The following CCDC39 variants were observed in gnomAD, a reference collection of about 807,000 sequenced individuals.
CCDC39 encodes coiled-coil domain 39 molecular ruler complex subunit, also known as coiled-coil domain-containing protein 39.
A neutral mutation model predicts 121.0 loss-of-function variants in CCDC39; 113 were observed. That is an observed-to-expected ratio of 0.93 (90% CI 0.80 to 1.09). CCDC39 has a LOEUF of 1.09. CCDC39 is among the 50% of genes least tolerant of loss of function. The pLI is 0.00. For synonymous variants in CCDC39, 349 were observed against 352.2 expected (o/e 0.99, Z 0.10); for missense variants, 1,063 against 1,074.7 (o/e 0.99, Z 0.15).
At chr3:180,641,916 T>A (rs961004127) in intron 13 of CCDC39, 77 bp downstream of exon 13, 1 of 998,902 alleles carries the variant, frequency 1.0e-6, no homozygotes, top group South Asian at 1.9e-5. Context: ...ACATCCGGGA[T>A]GTTAGAGGGG....
chr3:180,659,811 ATTAAT>A, intron 4 of CCDC39, 42 bp from the exon 5 acceptor site: 1 of 1,306,944 alleles, frequency 7.7e-7, no homozygotes, highest in Non-Finnish European at 1.1e-6. Context: ...TTCTCATTCT[ATTAAT>A]TTAAATGTTA....
intron 6 of CCDC39, among the ~76,000 whole-genome samples, chr3:180,655,458 C>A (rs1576947580): frequency 6.7e-6 from 1 of 149,846 alleles, no homozygotes; most frequent in African/African-American, 2.5e-5. Flanking sequence ...GACAAAGTAC[C>A]ATGGGAACAA....
chr3:180,649,441 C>A (rs1486357512), intron 9 of CCDC39, among the ~76,000 whole-genome samples: 1 of 152,150 alleles, frequency 6.6e-6, no homozygotes, highest in East Asian at 1.9e-4. Flanking sequence ...AACCAACAAA[C>A]CTGAATATGA....
chr3:180,654,743 C>G lies in CCDC39; in HGVS notation c.930+19G>C. 1 of 1,569,410 alleles carries G rather than the reference C, an allele frequency of 6.4e-7. No individual in the cohort carries two copies. Among genetic ancestry groups the G allele is most frequent in the Non-Finnish European group, 8.7e-7 (1 of 1,150,368 alleles). ...ATTTGTCGTGAACATACAAGCCAGT[C>G]TTTTTTGAGTTGACATACCTCACCC... On this transcript the variant is annotated intron_variant, in intron 7 of 19. Transcript: ENST00000476379.
At chr3:180,676,129 C>T (rs1187490399) in intron 1 of CCDC39, among the ~76,000 whole-genome samples, 1 of 152,194 alleles carries the variant, frequency 6.6e-6, no homozygotes, top group East Asian at 1.9e-4. Flanking sequence ...GCAACAAAAG[C>T]CAAAATTGAC....
At chr3:180,618,995 T>TG (rs1717349778) in intron 16 of CCDC39, among the ~76,000 whole-genome samples, 1 of 152,194 alleles carries the variant, frequency 6.6e-6, no homozygotes, top group Admixed American at 6.6e-5. Context: ...AAAGGATTAA[T>TG]GGGTAGATCA....
At chr3:180,623,051 G>C (rs185024354) in intron 14 of CCDC39, among the ~76,000 whole-genome samples, 1 of 149,314 alleles carries the variant, frequency 6.7e-6, no homozygotes, top group Admixed American at 6.7e-5. Context: ...ATCTTACCCT[G>C]GGCTTTTTTG....
intron 14 of CCDC39, among the ~76,000 whole-genome samples, chr3:180,629,070 C>G (rs1717633749): frequency 6.6e-6 from 1 of 152,058 alleles, no homozygotes; most frequent in African/African-American, 2.4e-5. Flanking sequence ...AGTGAAAATG[C>G]CAAGGTACTA....
intron 10 of CCDC39, 73 bp downstream of exon 10, chr3:180,648,092 A>G: frequency 8.2e-7 from 1 of 1,223,874 alleles, no homozygotes; most frequent in Non-Finnish European, 1.2e-6. Context: ...TTGTTTTCTT[A>G]GAACATGGCG....
At chr3:180,644,696 T>G (rs1489313432) in intron 11 of CCDC39, among the ~76,000 whole-genome samples, 1 of 152,236 alleles carries the variant, frequency 6.6e-6, no homozygotes, top group African/African-American at 2.4e-5. Flanking sequence ...ACATTACTTA[T>G]GTAATAAAAT....
In CCDC39 at chr3:180,625,178, C is replaced by T. The variant is rs115645164; in HGVS notation, c.1999-5208G>A. On this transcript the variant is annotated intron_variant, in intron 14 of 19. Coordinates refer to ENST00000476379, the MANE Select transcript of CCDC39 (RefSeq NM_181426.2). Reference sequence around the variant, plus strand: ...AACTGATAATTTGTAAGTTCAGTCACTTTACTAGTTCCAAACATCTTGAAG... The same window carrying T: ...AACTGATAATTTGTAAGTTCAGTCATTTTACTAGTTCCAAACATCTTGAAG... Among the ~76,000 whole-genome samples the T allele has an allele frequency of 2.1e-3, 315 of 151,966 alleles. 1 individual carries two copies. Among genetic ancestry groups the T allele is most frequent in the Non-Finnish European group, 3.5e-3 (240 of 67,946 alleles).
At chr3:180,646,964 T>TTA in intron 11 of CCDC39, 115 bp downstream of exon 11, 1 of 834,072 alleles carries the variant, frequency 1.2e-6, no homozygotes, top group Non-Finnish European at 1.9e-6. Context: ...CATACATTTG[T>TTA]TATATATGTG....
intron 11 of CCDC39, 45 bp from the exon 12 acceptor site, chr3:180,644,302 G>A: frequency 8.3e-7 from 1 of 1,199,130 alleles, no homozygotes; most frequent in South Asian, 1.5e-5. Context: ...TTTAAATATT[G>A]ACAAAAATAT....
chr3:180,631,201 A>G (rs922662071), intron 14 of CCDC39, among the ~76,000 whole-genome samples: 7 of 152,204 alleles, frequency 4.6e-5, no homozygotes, highest in East Asian at 3.9e-4. Flanking sequence ...GCAAGTTCAC[A>G]GTAAGTTTTG....
Position 180,614,607 on chromosome 3 carries a change from A to T in CCDC39, c.*314T>A. 4.2e-6 allele frequency: 1 copy of T among 240,772 alleles called. No individual in the cohort carries two copies. The highest frequency in any genetic ancestry group is 8.0e-6 in the Non-Finnish European group (1 of 125,474). The allele number at this position is 240,772 out of a possible 1,614,324, so 14.9% of individuals were successfully genotyped here. A position where few individuals can be genotyped will look rare whatever the true frequency, so the allele number is the denominator to read the frequency against. The stretch of plus-strand genomic sequence containing the variant: ...CTTCTTGAAAGATTGTTACATTAGA[A>T]GTGAGTGTAGTTTCGTGAAATAATG... On this transcript the variant is annotated 3_prime_UTR_variant, in exon 20 of 20. Transcript: ENST00000476379.
Position 180,679,164 on chromosome 3 carries a change from G to T in CCDC39, c.90+127C>A. 1.3e-6 allele frequency: 1 copy of T among 760,278 alleles called. No homozygotes were observed. The highest frequency in any genetic ancestry group is 2.5e-5 in the East Asian group (1 of 40,530). The allele number at this position is 760,278 out of a possible 1,614,324, so 47.1% of individuals were successfully genotyped here. On this transcript the variant is annotated intron_variant, in intron 1 of 19. Transcript: ENST00000476379. This position sits in a 1 kb window ranked among gnomAD's most constrained non-coding sequence, Gnocchi z 4.0. ...GTAAGGGAGGAGGGCGATGGTGCGG[G>T]GGAGTGTTAGAGGAAGCACAGGATT...
chr3:180,619,821 C>T lies in CCDC39; in HGVS notation c.2148G>A (p.Val716=), dbSNP rs1717383422. 1.3e-6 allele frequency: 2 copies of T among 1,586,618 alleles called. No homozygotes were observed. Among genetic ancestry groups the T allele is most frequent in the Non-Finnish European group, 1.7e-6 (2 of 1,165,462 alleles). The change falls in exon 15 of 20, where the codon GTG becomes GTA. Residue 716 remains valine (V), a synonymous_variant. Transcript: ENST00000476379. ...NNNYKQSFKK[V]TPSSDEYELK... ...TTAACTCCTACATACTAGATGGAGT[C>T]ACTTTTTTAAAAGATTGCTTATAAT...
At chr3:180,649,343 C>T (rs983813970) in intron 9 of CCDC39, among the ~76,000 whole-genome samples, 1 of 152,114 alleles carries the variant, frequency 6.6e-6, no homozygotes, top group Non-Finnish European at 1.5e-5. Flanking sequence ...ATCTACCATG[C>T]CATGATCAGT....
intron 16 of CCDC39, among the ~76,000 whole-genome samples, chr3:180,618,363 C>T (rs185597844): frequency 8.9e-4 from 135 of 152,020 alleles, no homozygotes; most frequent in Middle Eastern, 3.4e-3. Context: ...AGTATCTCTT[C>T]TGCTTTATTA....
Sources: gnomAD v4.1 joint callset for allele counts (sites outside exome capture counted in the v4.1 genomes callset) on GRCh38, gnomAD v4.1.1 for gene constraint, Gnocchi (gnomAD v3.1) non-coding constraint, MANE v1.5 for transcripts, NCBI Gene and HGNC (gene_info 2026-07-23, HGNC 2026-07-21) for gene names.